The following SLC25A48 variants were observed in gnomAD, a reference collection of about 807,000 sequenced individuals.
The protein encoded by SLC25A48 is solute carrier family 25 member 48.
In SLC25A48, 29 loss-of-function variants were observed where a neutral mutation model predicts 32.2. The observed-to-expected ratio is 0.90, with a 90% CI of 0.67 to 1.23. The LOEUF is 1.23. SLC25A48 is among the 50% of genes most tolerant of loss of function. The probability of loss-of-function intolerance (pLI) is 0.00; values close to 1 mark genes in which losing one functional copy is unlikely to be tolerated. For synonymous variants in SLC25A48, 164 were observed against 172.3 expected, an observed-to-expected ratio of 0.95 and a Z score of 0.38; for missense variants, 399 against 422.7, an observed-to-expected ratio of 0.94 and a Z score of 0.49.
chr5:135,745,628 G>T (rs1755620636), intron 3 of SLC25A48, among the ~76,000 whole-genome samples: 1 of 152,138 alleles, frequency 6.6e-6, no homozygotes, highest in African/African-American at 2.4e-5. Flanking sequence ...GGCTCCTAAG[G>T]TCCTCCCATC....
chr5:135,631,034 A>C (rs1367459916), intron 2 of SLC25A48, among the ~76,000 whole-genome samples: 1 of 152,226 alleles, frequency 6.6e-6, no homozygotes, highest in Non-Finnish European at 1.5e-5. Context: ...AATATGCCAA[A>C]GCCTTTGAGT....
intron 3 of SLC25A48, among the ~76,000 whole-genome samples, chr5:135,793,422 G>GCA: frequency 6.6e-6 from 1 of 151,648 alleles, no homozygotes; most frequent in Non-Finnish European, 1.5e-5. Context: ...GTTACAGTTT[G>GCA]TTTACACCAT....
chr5:135,835,945 A>G (rs1295205855), intron 1 of SLC25A48, among the ~76,000 whole-genome samples: 1 of 152,150 alleles, frequency 6.6e-6, no homozygotes, highest in Non-Finnish European at 1.5e-5. Flanking sequence ...GTTGGCACAG[A>G]TGCCCTTGGG....
intron 1 of SLC25A48, 138 bp downstream of exon 1, chr5:135,835,031 C>G: frequency 9.5e-7 from 1 of 1,050,238 alleles, no homozygotes; most frequent in Non-Finnish European, 1.4e-6. Context: ...GGGGAGTGCC[C>G]GGCCCCGAGA....
intron 3 of SLC25A48, among the ~76,000 whole-genome samples, chr5:135,674,635 C>CTCCA (rs1753726922): frequency 6.6e-6 from 1 of 151,772 alleles, no homozygotes; most frequent in Non-Finnish European, 1.5e-5. Context: ...ACATAATGAC[C>CTCCA]TCCAGTTCTG....
At chr5:135,684,312 T>C (rs1026780969) in intron 3 of SLC25A48, among the ~76,000 whole-genome samples, 7 of 152,234 alleles carry the variant, frequency 4.6e-5, no homozygotes, top group Non-Finnish European at 8.8e-5. Context: ...CCCTTTTTTT[T>C]CCTCCACAAA....
Position 135,747,990 on chromosome 5 carries a change from C to T in SLC25A48, c.-520-64533C>T, listed in dbSNP as rs1755679046. ...GAGCCTGCACTTAGTAACACATGGTCCCAGCCAGCACTGAGTTAGATTCCA... is the reference window on the plus strand; with the variant it reads ...GAGCCTGCACTTAGTAACACATGGTTCCAGCCAGCACTGAGTTAGATTCCA... On this transcript the variant is annotated intron_variant, in intron 3 of 10. Coordinates refer to the SLC25A48 transcript ENST00000646290. Among the ~76,000 whole-genome samples the T allele has an allele frequency of 2.0e-5, 3 of 152,174 alleles. No homozygotes were observed. The South Asian group carries it at 6.2e-4, about 32-fold the overall frequency.
intron 3 of SLC25A48, among the ~76,000 whole-genome samples, chr5:135,788,026 G>T (rs1001521338): frequency 6.6e-6 from 1 of 151,942 alleles, no homozygotes; most frequent in African/African-American, 2.4e-5. Context: ...TATATTATTT[G>T]TAATATCTTA....
intron 3 of SLC25A48, among the ~76,000 whole-genome samples, chr5:135,729,922 A>G (rs1057043014): frequency 3.3e-5 from 5 of 152,334 alleles, no homozygotes; most frequent in African/African-American, 1.2e-4. Context: ...TACATTCATT[A>G]TATGTAATAT....
chr5:135,676,001 A>C (rs1402277581), intron 3 of SLC25A48, among the ~76,000 whole-genome samples: 2 of 151,608 alleles, frequency 1.3e-5, no homozygotes, highest in African/African-American at 2.4e-5. Flanking sequence ...TTTCTTTCTT[A>C]GCTAGCTTAT....
chr5:135,835,205 C>T (rs2126676833), intron 1 of SLC25A48: 1 of 597,424 alleles, frequency 1.7e-6, no homozygotes, highest in Non-Finnish European at 3.1e-6. Flanking sequence ...CCTGGCGGCG[C>T]ACACACCCTT....
chr5:135,666,669 G>C (rs1212320280), intron 3 of SLC25A48, among the ~76,000 whole-genome samples: 1 of 15,426 alleles, frequency 6.5e-5, no homozygotes, highest in East Asian at 4.9e-4. Flanking sequence ...GAGAGAGAGA[G>C]AGAGAGAGAG....
intron 3 of SLC25A48, among the ~76,000 whole-genome samples, chr5:135,697,049 G>A (rs1026876315): frequency 1.3e-5 from 2 of 152,168 alleles, no homozygotes; most frequent in African/African-American, 4.8e-5. Flanking sequence ...TAAATTTCTT[G>A]TCTGTAGCAT....
chr5:135,777,064 T>C (rs900894655), intron 3 of SLC25A48, among the ~76,000 whole-genome samples: 6 of 151,880 alleles, frequency 4.0e-5, no homozygotes, highest in African/African-American at 1.5e-4. Flanking sequence ...TTACTCCCAA[T>C]ATCGCAGGGG....
At chr5:135,672,603 G>A (rs548716018) in intron 3 of SLC25A48, among the ~76,000 whole-genome samples, 27 of 152,330 alleles carry the variant, frequency 1.8e-4, no homozygotes, top group Non-Finnish European at 2.9e-4. Flanking sequence ...AGGTTCACAG[G>A]AAAGTGTGGT....
At position 135,863,352 on chromosome 5, in the gene SLC25A48, G is replaced by A. The variant is rs575700116; in HGVS notation, c.422-8109G>A. Among the ~76,000 whole-genome samples the A allele has an allele frequency of 3.3e-5, 5 of 152,308 alleles. 1 individual carries two copies. In the South Asian group the frequency reaches 1.0e-3, roughly 32 times the overall value. On this transcript the variant is annotated intron_variant, in intron 4 of 7. Coordinates refer to ENST00000681962, the MANE Select transcript of SLC25A48 (RefSeq NM_001349336.2). ...ATGAGTTTTGCCTGGTCTATGTAGT[G>A]TGAGGTGCCTGTGAGATTGCACCTG...
intron 4 of SLC25A48, 116 bp from the exon 5 acceptor site, chr5:135,871,345 G>A: frequency 7.9e-7 from 1 of 1,273,140 alleles, no homozygotes; most frequent in East Asian, 2.5e-5. Context: ...TTTGGTAAAA[G>A]CTGATGGGCT....
chr5:135,806,554 G>A (rs546462109), intron 3 of SLC25A48, among the ~76,000 whole-genome samples: 101 of 148,856 alleles, frequency 6.8e-4, no homozygotes, highest in African/African-American at 2.0e-3. Flanking sequence ...TATTAATATC[G>A]TGTGTTAACA....
intron 3 of SLC25A48, among the ~76,000 whole-genome samples, chr5:135,799,750 A>T (rs530588233): frequency 6.6e-6 from 1 of 151,806 alleles, no homozygotes; most frequent in Non-Finnish European, 1.5e-5. Context: ...TATACTCTCA[A>T]TGTCGCAGGG....
Sources: allele counts gnomAD v4.1 joint callset (sites outside exome capture counted in the v4.1 genomes callset), GRCh38; gene constraint gnomAD v4.1.1; transcripts MANE v1.5; gene names NCBI Gene and HGNC (gene_info 2026-07-23, HGNC 2026-07-21).